Variants in GFPT2 observed in about 807,000 individuals in gnomAD.
GFPT2 encodes the protein glutamine--fructose-6-phosphate transaminase 2.
In GFPT2, 62 loss-of-function variants were observed where a neutral mutation model predicts 85.6. The observed-to-expected ratio is 0.72, with a 90% CI of 0.59 to 0.90. The LOEUF is 0.90. Among genes scored for constraint, GFPT2 ranks in the 40% least tolerant of loss-of-function variants. The probability of loss-of-function intolerance (pLI) is 0.00; values close to 1 mark genes in which losing one functional copy is unlikely to be tolerated. For synonymous variants in GFPT2, 368 were observed against 344.5 expected (o/e 1.07, Z -0.75); for missense variants, 788 against 893.4 (o/e 0.88, Z 1.50).
intron 17 of GFPT2, 64 bp from the exon 18 acceptor site, chr5:180,302,648 C>T: frequency 2.3e-6 from 3 of 1,306,286 alleles, no homozygotes; most frequent in Admixed American, 1.8e-5. Flanking sequence ...CTGATGCATA[C>T]AGAGTATCTG....
At chr5:180,311,372 G>A (rs966866649) in intron 15 of GFPT2, among the ~76,000 whole-genome samples, 3 of 152,210 alleles carry the variant, frequency 2.0e-5, no homozygotes, top group Non-Finnish European at 2.9e-5. Context: ...GACAGGGCAC[G>A]GCACTGGTTC....
chr5:180,349,832 C>T (rs930064462), intron 1 of GFPT2, among the ~76,000 whole-genome samples: 17 of 151,872 alleles, frequency 1.1e-4, no homozygotes, highest in African/African-American at 3.9e-4. Flanking sequence ...GCAAGGGCTT[C>T]ACCTTCTGGC....
At chr5:180,353,148 G>A (rs1764750608) in intron 1 of GFPT2, 63 bp downstream of exon 1, 1 of 1,216,538 alleles carries the variant, frequency 8.2e-7, no homozygotes, top group African/African-American at 1.6e-5. Flanking sequence ...GGCGCGGAGA[G>A]GCTGCGGCGC....
At chr5:180,334,685 C>A (rs544851063) in intron 4 of GFPT2, among the ~76,000 whole-genome samples, 3 of 152,304 alleles carry the variant, frequency 2.0e-5, no homozygotes, top group Admixed American at 6.5e-5. Flanking sequence ...TGCTGTACAC[C>A]CTCCCCTGGC....
chr5:180,312,255 G>T (rs1763908794), intron 15 of GFPT2, among the ~76,000 whole-genome samples, 175 bp downstream of exon 15: 1 of 152,036 alleles, frequency 6.6e-6, no homozygotes, highest in African/African-American at 2.4e-5. Flanking sequence ...GGAGGTGGGG[G>T]CCGAGCAGGA....
rs1449741008 is a variant in GFPT2 at position 180,328,657 on chromosome 5, G to A, written c.535-319C>T. Among the ~76,000 whole-genome samples, 1 of 152,220 alleles carries A rather than the reference G, an allele frequency of 6.6e-6. No individual in the cohort carries two copies. Among genetic ancestry groups the A allele is most frequent in the Non-Finnish European group, 1.5e-5 (1 of 68,034 alleles). ...GAGAGTCACAGGAAATGATAGCTGGGACCAGGCTTCCCTGCCCTGCTCAGG... is the reference window on the plus strand; with the variant it reads ...GAGAGTCACAGGAAATGATAGCTGGAACCAGGCTTCCCTGCCCTGCTCAGG... On this transcript the variant is annotated intron_variant, in intron 6 of 18. Transcript: ENST00000253778. The surrounding 1 kb of genome is among the most constrained non-coding windows in gnomAD (Gnocchi z 5.4).
chr5:180,344,302 T>A (rs1395841767), intron 1 of GFPT2, among the ~76,000 whole-genome samples: 3 of 152,202 alleles, frequency 2.0e-5, no homozygotes, highest in Non-Finnish European at 4.4e-5. Context: ...GGTCACTGGA[T>A]GTTGAGCAGA....
rs777972654 is a variant in GFPT2, at chr5:180,307,216, C to G, written c.1634G>C (p.Gly545Ala). 7.5e-6 allele frequency: 12 copies of G among 1,610,462 alleles called. No homozygotes were observed. The highest frequency in any genetic ancestry group is 1.0e-5 in the Non-Finnish European group (12 of 1,178,632). Residue 545 changes from glycine to alanine, a missense_variant, in exon 16 of 19, where the codon GGG becomes GCG. Physicochemically the swap from Gly to Ala is moderately conservative, Grantham distance 60. Transcript: ENST00000253778. Reference sequence around the variant, plus strand: ...GCAGGTGGCATAGTTGTAGCCCCGCCCCATCACCAGCAGCGATCTCTGCGT... The same window carrying G: ...GCAGGTGGCATAGTTGTAGCCCCGCGCCATCACCAGCAGCGATCTCTGCGT... ...LYTQRSLLVM[G>A]RGYNYATCLE... is the part of the protein sequence containing the mutation.
At chr5:180,319,251 T>G (rs1764073891) in intron 9 of GFPT2, among the ~76,000 whole-genome samples, 1 of 152,248 alleles carries the variant, frequency 6.6e-6, no homozygotes, top group Admixed American at 6.5e-5. Context: ...TAATCATATC[T>G]AAAATGAATA....
intron 16 of GFPT2, 74 bp downstream of exon 16, chr5:180,307,102 C>T (rs1411275963): frequency 7.6e-7 from 1 of 1,312,932 alleles, no homozygotes; most frequent in Admixed American, 2.0e-5. Flanking sequence ...ACGCCCTGCC[C>T]TCCTTCCCGC....
chr5:180,350,307 T>C lies in GFPT2; in HGVS notation c.7+2904A>G, dbSNP rs777016012. Among the ~76,000 whole-genome samples the C allele has an allele frequency of 3.9e-4, 59 of 152,258 alleles. 1 individual carries two copies. The highest frequency in any genetic ancestry group is 2.9e-5 in the Non-Finnish European group (2 of 68,040). ...GTCAAGAGAAGCCAAAACTCCCACC[T>C]ACTTATGTGAAATCTCCCAATTTTG... On this transcript the variant is annotated intron_variant, in intron 1 of 18. Transcript: ENST00000253778.
intron 18 of GFPT2, among the ~76,000 whole-genome samples, chr5:180,302,218 T>C (rs1184996232): frequency 4.7e-5 from 7 of 148,318 alleles, no homozygotes; most frequent in Admixed American, 2.7e-4. Flanking sequence ...ACCCAGGAGG[T>C]GGAGCTTGCA....
Position 180,328,372 on chromosome 5 carries a change from TC to T in GFPT2, c.535-35del. 6.4e-7 allele frequency: 1 copy of T among 1,564,172 alleles called. No homozygotes were observed. The highest frequency in any genetic ancestry group is 8.8e-7 in the Non-Finnish European group (1 of 1,135,718). ...ACACAAACAGTGAGGGTCAACGCGT[TC>T]CAGCAGCCGCTGCTGCAGCCTGGCC... is the stretch of plus-strand genomic sequence containing the variant. On this transcript the variant is annotated intron_variant, in intron 6 of 18. Coordinates refer to ENST00000253778, the MANE Select transcript of GFPT2 (RefSeq NM_005110.4). This position sits in a 1 kb window ranked among gnomAD's most constrained non-coding sequence, Gnocchi z 5.4.
chr5:180,325,722 G>A lies in GFPT2; in HGVS notation c.597-827C>T, dbSNP rs899105289. On this transcript the variant is annotated intron_variant, in intron 7 of 18. Coordinates refer to ENST00000253778, the MANE Select transcript of GFPT2 (RefSeq NM_005110.4). ...TGATTCACAACTTCTAGTGGTGGACGTGATGAAGATCTCATGATTTGGCTG... is the reference window on the plus strand; with the variant it reads ...TGATTCACAACTTCTAGTGGTGGACATGATGAAGATCTCATGATTTGGCTG... 1.2e-4 allele frequency among the ~76,000 whole-genome samples: 18 copies of A among 152,336 alleles called. 1 individual carries two copies. Among genetic ancestry groups the A allele is most frequent in the Non-Finnish European group, 2.5e-4 (17 of 68,044 alleles).
At chr5:180,305,302 G>A (rs1013521419) in intron 16 of GFPT2, among the ~76,000 whole-genome samples, 3 of 152,188 alleles carry the variant, frequency 2.0e-5, no homozygotes, top group African/African-American at 7.2e-5. Context: ...CGTGTATAAC[G>A]ACAGCATCGT....
intron 1 of GFPT2, among the ~76,000 whole-genome samples, chr5:180,340,335 T>C (rs1764489610): frequency 6.6e-6 from 1 of 151,664 alleles, no homozygotes; most frequent in African/African-American, 2.4e-5. Context: ...GCCTCCCGAG[T>C]AGCTGGGATT....
Position 180,330,936 on chromosome 5 carries a change from A to G in GFPT2, c.400-102T>C. The G allele has an allele frequency of 2.8e-6, 3 of 1,066,044 alleles. No individual in the cohort carries two copies. The highest frequency in any genetic ancestry group is 2.7e-6 in the Non-Finnish European group (2 of 730,628). The allele number at this position is 1,066,044 out of a possible 1,614,324, so 66.0% of individuals were successfully genotyped here. ...GGTGATCTGCCCTTGGAGTGACTTA[A>G]GTCAAGAACAGGGAAAACCGGGAAG... On this transcript the variant is annotated intron_variant, in intron 5 of 18. Transcript: ENST00000253778. The surrounding 1 kb of genome is among the most constrained non-coding windows in gnomAD (Gnocchi z 4.4).
chr5:180,316,322 C>G lies in GFPT2; in HGVS notation c.1273+19G>C. ...AGCTGACCTGATGCAAGGCTGGCCACAATGCCTGTGTCCCTTACCTGACTG... is the reference window on the plus strand; with the variant it reads ...AGCTGACCTGATGCAAGGCTGGCCAGAATGCCTGTGTCCCTTACCTGACTG... On this transcript the variant is annotated intron_variant, in intron 13 of 18. Coordinates refer to ENST00000253778, the MANE Select transcript of GFPT2 (RefSeq NM_005110.4). 6.2e-7 allele frequency: 1 copy of G among 1,613,766 alleles called. No homozygotes were observed. The highest frequency in any genetic ancestry group is 1.7e-4 in the Middle Eastern group (1 of 6,024).
intron 1 of GFPT2, among the ~76,000 whole-genome samples, chr5:180,342,259 T>C (rs1764530882): frequency 6.6e-6 from 1 of 152,196 alleles, no homozygotes; most frequent in Non-Finnish European, 1.5e-5. Flanking sequence ...AATGGACTAA[T>C]ACATCTTTTA....
Sources: allele counts gnomAD v4.1 joint callset (sites outside exome capture counted in the v4.1 genomes callset), GRCh38; gene constraint gnomAD v4.1.1; non-coding constraint Gnocchi (gnomAD v3.1); transcripts MANE v1.5; gene names NCBI Gene and HGNC (gene_info 2026-07-23, HGNC 2026-07-21).